FRYL: variants seen among roughly 807,000 people sequenced by gnomAD.
The protein encoded by FRYL is protein furry homolog-like.
A neutral mutation model predicts 351.2 loss-of-function variants in FRYL; 150 were observed. The observed-to-expected ratio is 0.43, with a 90% CI of 0.37 to 0.49. The LOEUF is 0.49. Ranked by LOEUF, FRYL falls within the 20% of genes least tolerant of loss-of-function variation. The pLI, the probability that FRYL is intolerant of heterozygous loss-of-function variation, is 0.00. For missense variants in FRYL, 3,036 were observed against 3,619.3 expected (o/e 0.84, Z 4.13); for synonymous variants, 1,153 against 1,257.1 (o/e 0.92, Z 1.75).
At chr4:48,599,536 C>T (rs77557504) in intron 13 of FRYL, among the ~76,000 whole-genome samples, 1,575 of 152,190 alleles carry the variant, frequency 0.01, 32 homozygotes, top group African/African-American at 0.036. Flanking sequence ...GAGAGTAATG[C>T]CTTTTTAATA....
At chr4:48,756,215 A>G (rs1773756691) in intron 1 of FRYL, among the ~76,000 whole-genome samples, 1 of 151,438 alleles carries the variant, frequency 6.6e-6, no homozygotes, top group Non-Finnish European at 1.5e-5. Flanking sequence ...CCTAGGCAAC[A>G]GAGCAAGACT....
rs527452053 is a variant in FRYL at position 48,629,043 on chromosome 4, T to C, written c.120+5248A>G. On this transcript the variant is annotated intron_variant, in intron 4 of 63. Coordinates refer to ENST00000358350, the MANE Select transcript of FRYL (RefSeq NM_015030.2). The stretch of plus-strand genomic sequence containing the variant: ...ATAATTATAAAATATTATAATACTT[T>C]ATAATATTATACAGTATTATAGTGT... Among the ~76,000 whole-genome samples the C allele has an allele frequency of 4.9e-4, 74 of 149,588 alleles. 1 individual carries two copies. Among genetic ancestry groups the C allele is most frequent in the Non-Finnish European group, 8.5e-4 (57 of 67,452 alleles).
chr4:48,761,790 A>G (rs750221257), intron 1 of FRYL, among the ~76,000 whole-genome samples: 4 of 152,196 alleles, frequency 2.6e-5, no homozygotes, highest in East Asian at 3.8e-4. Context: ...GCAAGAGACT[A>G]TATCATACAG....
chr4:48,660,780 T>G lies in FRYL; in HGVS notation c.-81+23893A>C, dbSNP rs551620413. On this transcript the variant is annotated intron_variant, in intron 3 of 63. Transcript: ENST00000358350. ...TGAGAATGGCACTTAATCTGTATTC[T>G]TCTTCCCAAAAACCTTTAAGCCCAG... 1.5e-4 allele frequency among the ~76,000 whole-genome samples: 23 copies of G among 152,300 alleles called. No homozygotes were observed. In the East Asian group the frequency reaches 4.2e-3, roughly 28 times the overall value.
chr4:48,719,638 T>C (rs1225843624), intron 1 of FRYL, among the ~76,000 whole-genome samples: 5 of 151,700 alleles, frequency 3.3e-5, no homozygotes, highest in African/African-American at 9.7e-5. Flanking sequence ...ACTGTGCTCT[T>C]TGCTCACCAA....
rs1359008433 is a variant in FRYL, at chr4:48,564,933, C to G, written c.3441G>C (p.Lys1147Asn). 6 of 1,528,066 alleles carry G rather than the reference C, an allele frequency of 3.9e-6. No individual in the cohort carries two copies. The highest frequency in any genetic ancestry group is 5.4e-6 in the Non-Finnish European group (6 of 1,106,846). The allele number at this position is 1,528,066 out of a possible 1,614,324, so 94.7% of individuals were successfully genotyped here. The change falls in exon 30 of 64, where the codon AAG becomes AAC. Residue 1147 changes from lysine (K) to asparagine (N), a missense_variant and splice_region_variant. Transcript: ENST00000358350. Reference protein sequence around the residue: ...LDNILDSLDKKVHQLGCEAVT... With the variant: ...LDNILDSLDKNVHQLGCEAVT... ...CCTTTAAGGAAATTGTCATAATTAC[C>G]TTTTTGTCCAGAGAATCCAAAATGT...
intron 30 of FRYL, among the ~76,000 whole-genome samples, chr4:48,564,421 T>G (rs999516711): frequency 1.3e-5 from 2 of 152,222 alleles, no homozygotes; most frequent in East Asian, 1.9e-4. Flanking sequence ...CTCCAATTAT[T>G]TTTATCAAGC....
At chr4:48,778,533 CATAA>C (rs773274465) in intron 1 of FRYL, among the ~76,000 whole-genome samples, 5 of 152,172 alleles carry the variant, frequency 3.3e-5, no homozygotes, top group Non-Finnish European at 4.4e-5. Flanking sequence ...AAGTACTCTA[CATAA>C]AGTATTGCAC....
intron 40 of FRYL, among the ~76,000 whole-genome samples, chr4:48,548,119 C>A (rs1394887039): frequency 2.6e-5 from 4 of 151,564 alleles, no homozygotes; most frequent in African/African-American, 9.7e-5. Flanking sequence ...ACATGATTAA[C>A]TGAAGGAATG....
intron 1 of FRYL, among the ~76,000 whole-genome samples, chr4:48,712,349 T>A (rs1768170956): frequency 6.6e-6 from 1 of 151,974 alleles, no homozygotes; most frequent in Admixed American, 6.6e-5. Context: ...ATAACTAGAA[T>A]AACCAATACA....
At chr4:48,617,616 G>A (rs1184516549) in intron 7 of FRYL, 1 of 151,184 alleles carries the variant, frequency 6.6e-6, no homozygotes, top group Non-Finnish European at 1.5e-5. Flanking sequence ...CCTACATGAA[G>A]ACCTATCTGG....
intron 59 of FRYL, among the ~76,000 whole-genome samples, chr4:48,507,441 GT>G (rs1427304124): frequency 2.2e-4 from 23 of 106,092 alleles, no homozygotes; most frequent in Non-Finnish European, 5.7e-5. Context: ...ACTTCTGGGT[GT>G]GATGGAGTAG....
intron 3 of FRYL, among the ~76,000 whole-genome samples, chr4:48,635,954 TG>T (rs1305072960): frequency 6.6e-6 from 1 of 152,178 alleles, no homozygotes; most frequent in African/African-American, 2.4e-5. Flanking sequence ...AAAAAATTTT[TG>T]TCAAATTAAA....
intron 63 of FRYL, 119 bp downstream of exon 63, chr4:48,499,911 T>A: frequency 1.2e-6 from 1 of 820,814 alleles, no homozygotes; most frequent in Non-Finnish European, 1.9e-6. Context: ...TTAAAAATAC[T>A]CATGTTTTTC....
At position 48,564,104 on chromosome 4, in the gene FRYL, T is replaced by A; in HGVS notation, c.3442-2A>T. ...TGCTTCACAGCCCAGCTGGTGAACC[T>A]AGGTAAAGGTTGTGAAATTGCCCGA... On this transcript the variant is annotated splice_acceptor_variant, in intron 30 of 63. Coordinates refer to ENST00000358350, the MANE Select transcript of FRYL (RefSeq NM_015030.2). LOFTEE classifies it high-confidence loss of function. 6.2e-7 allele frequency: 1 copy of A among 1,612,178 alleles called. No individual in the cohort carries two copies.
intron 3 of FRYL, among the ~76,000 whole-genome samples, chr4:48,641,585 C>T (rs1380784400): frequency 1.3e-5 from 2 of 152,110 alleles, no homozygotes; most frequent in Admixed American, 1.3e-4. Flanking sequence ...GAATTAGATC[C>T]AGAACATCAC....
chr4:48,746,677 T>G (rs1772718283), intron 1 of FRYL, among the ~76,000 whole-genome samples: 1 of 152,174 alleles, frequency 6.6e-6, no homozygotes, highest in African/African-American at 2.4e-5. Flanking sequence ...ACAAACAGAA[T>G]GTGGCAGAAG....
chr4:48,623,096 GAA>G, intron 5 of FRYL, 28 bp downstream of exon 5: 1 of 1,458,548 alleles, frequency 6.9e-7, no homozygotes, highest in Non-Finnish European at 9.4e-7. Flanking sequence ...ATTTCCAGGG[GAA>G]AAAAAAATTC....
chr4:48,612,888 CAACTGTTCTATTTTATTATTAGTTATTG>C lies in FRYL; in HGVS notation c.412-3093_412-3066del, dbSNP rs527282216. On this transcript the variant is annotated intron_variant, in intron 7 of 63. Transcript: ENST00000358350. ...ACAGGCGTGAGCCACCGCACCCGGC[CAACTGTTCTATTTTATTATTAGTTATTG>C]TTGTAAATCTTTTACTGTGCCTGGT... Among the ~76,000 whole-genome samples the C allele has an allele frequency of 6.3e-3, 954 of 152,264 alleles. 5 individuals are homozygous for C. Among genetic ancestry groups the C allele is most frequent in the Non-Finnish European group, 0.01 (695 of 68,016 alleles).
Sources: gnomAD v4.1 joint callset for allele counts (sites outside exome capture counted in the v4.1 genomes callset) on GRCh38, gnomAD v4.1.1 for gene constraint, MANE v1.5 for transcripts, NCBI Gene and HGNC (gene_info 2026-07-23, HGNC 2026-07-21) for gene names.